The following NSMCE2 variants were observed in gnomAD, a reference collection of about 807,000 sequenced individuals.
NSMCE2 encodes E3 SUMO-protein ligase NSE2.
Under a neutral mutation model 23.8 loss-of-function variants are expected in NSMCE2, and 24 were observed. The ratio of observed to expected loss-of-function variants is 1.01; its 90% CI spans 0.73 to 1.42. The LOEUF is 1.42. Among genes scored for constraint, NSMCE2 ranks in the 40% most tolerant of loss-of-function variants. The pLI is 0.00. For missense variants in NSMCE2, 284 were observed against 296.5 expected (o/e 0.96, Z 0.31); for synonymous variants, 92 against 94.1 (o/e 0.98, Z 0.13).
intron 3 of NSMCE2, among the ~76,000 whole-genome samples, chr8:125,123,627 C>T (rs1819372023): frequency 1.3e-5 from 2 of 152,222 alleles, no homozygotes; most frequent in African/African-American, 4.8e-5. Context: ...CACAAGTGTG[C>T]ATCTTGTGTA....
intron 3 of NSMCE2, among the ~76,000 whole-genome samples, chr8:125,133,510 C>T (rs1449843345): frequency 1.3e-5 from 2 of 152,102 alleles, no homozygotes; most frequent in Non-Finnish European, 2.9e-5. Context: ...GAGGCCAAGG[C>T]AGGTGATTCA....
chr8:125,317,701 G>GA (rs1829266854), intron 5 of NSMCE2, among the ~76,000 whole-genome samples: 1 of 152,140 alleles, frequency 6.6e-6, no homozygotes, highest in Non-Finnish European at 1.5e-5. Context: ...GGGGAGAAAA[G>GA]AAACTAGGGT....
At position 125,138,258 on chromosome 8, in the gene NSMCE2, C is replaced by CTA. The variant is rs1472345276; in HGVS notation, c.158-12912_158-12911insAT. Among the ~76,000 whole-genome samples, 4 of 152,168 alleles carry CTA rather than the reference C, an allele frequency of 2.6e-5. No homozygotes were observed. In the East Asian group the frequency reaches 7.7e-4, roughly 29 times the overall value. On this transcript the variant is annotated intron_variant, in intron 3 of 7. Coordinates refer to ENST00000287437, the MANE Select transcript of NSMCE2 (RefSeq NM_173685.4). Reference sequence around the variant, plus strand: ...TCTCTTTTAGAGACCTGGTCAATCTCTGTCACTCAGGATGGAGTGCAGTGG... The same window carrying CTA: ...TCTCTTTTAGAGACCTGGTCAATCTCTATGTCACTCAGGATGGAGTGCAGTGG...
chr8:125,312,482 G>T (rs2131236464), intron 5 of NSMCE2, among the ~76,000 whole-genome samples: 1 of 152,152 alleles, frequency 6.6e-6, no homozygotes, highest in South Asian at 2.1e-4. Flanking sequence ...AAATTAGCCG[G>T]GCGTGGGTGG....
chr8:125,353,293 AAC>A (rs978045888), intron 5 of NSMCE2, among the ~76,000 whole-genome samples: 3 of 152,192 alleles, frequency 2.0e-5, no homozygotes, highest in Admixed American at 6.5e-5. Flanking sequence ...TTTACTCTTA[AAC>A]ACACGATCAG....
intron 5 of NSMCE2, among the ~76,000 whole-genome samples, chr8:125,305,783 G>A (rs1828731184): frequency 6.6e-6 from 1 of 152,166 alleles, no homozygotes; most frequent in Non-Finnish European, 1.5e-5. Flanking sequence ...ATAGCCTTGT[G>A]CTTTGGTGTA....
At chr8:125,347,059 G>A (rs1812790887) in intron 5 of NSMCE2, among the ~76,000 whole-genome samples, 1 of 152,326 alleles carries the variant, frequency 6.6e-6, no homozygotes, top group Admixed American at 6.5e-5. Flanking sequence ...TGATAGTGCT[G>A]TGTCAGCTAT....
intron 4 of NSMCE2, among the ~76,000 whole-genome samples, chr8:125,157,759 A>G (rs1284955616): frequency 6.6e-6 from 1 of 152,200 alleles, no homozygotes; most frequent in African/African-American, 2.4e-5. Flanking sequence ...AATCCATCAT[A>G]GTATTTTGGA....
At chr8:125,150,629 G>A (rs1820956994) in intron 3 of NSMCE2, among the ~76,000 whole-genome samples, 1 of 151,774 alleles carries the variant, frequency 6.6e-6, no homozygotes, top group Non-Finnish European at 1.5e-5. Context: ...TGATCTGCCT[G>A]CCTCGGCCTC....
At chr8:125,159,733 G>A (rs1331565482) in intron 4 of NSMCE2, among the ~76,000 whole-genome samples, 1 of 152,148 alleles carries the variant, frequency 6.6e-6, no homozygotes. Flanking sequence ...TGCTCAGTTG[G>A]TGGATCACTT....
At chr8:125,131,999 A>G (rs1359920150) in intron 3 of NSMCE2, among the ~76,000 whole-genome samples, 2 of 152,232 alleles carry the variant, frequency 1.3e-5, no homozygotes, top group African/African-American at 4.8e-5. Flanking sequence ...GATTCATGTC[A>G]TGCATCCTTA....
intron 5 of NSMCE2, among the ~76,000 whole-genome samples, chr8:125,286,069 G>A (rs549226973): frequency 1.1e-3 from 170 of 151,432 alleles, no homozygotes; most frequent in African/African-American, 3.9e-3. Flanking sequence ...CCAGTGCCTG[G>A]GAGAGTTAAT....
At chr8:125,344,836 G>C (rs1158967037) in intron 5 of NSMCE2, among the ~76,000 whole-genome samples, 1 of 151,254 alleles carries the variant, frequency 6.6e-6, no homozygotes, top group Non-Finnish European at 1.5e-5. Flanking sequence ...TCCTCATGTT[G>C]AAGATTATTT....
rs117472523 is a variant in NSMCE2, at chr8:125,341,602, A to G, written c.419-15617A>G. On this transcript the variant is annotated intron_variant, in intron 5 of 7. Transcript: ENST00000287437. The stretch of plus-strand genomic sequence containing the variant: ...GTTTTTTTTTTCCTCTAATGAGGGC[A>G]AAACACTTGATCCCATCTTCACAGT... 1.3e-3 allele frequency among the ~76,000 whole-genome samples: 197 copies of G among 152,224 alleles called. 3 individuals are homozygous for G. In the East Asian group the frequency reaches 0.035, roughly 27 times the overall value.
At chr8:125,362,279 T>G (rs1813594708) in intron 7 of NSMCE2, among the ~76,000 whole-genome samples, 2 of 152,248 alleles carry the variant, frequency 1.3e-5, no homozygotes, top group South Asian at 4.1e-4. Flanking sequence ...CATGATGGCC[T>G]TCTCTTATCC....
chr8:125,260,959 A>G (rs1367036229), intron 5 of NSMCE2, among the ~76,000 whole-genome samples: 2 of 152,104 alleles, frequency 1.3e-5, no homozygotes, highest in Non-Finnish European at 2.9e-5. Context: ...TATGGCACAG[A>G]TATTTTAAGG....
At chr8:125,285,756 G>A (rs1014141531) in intron 5 of NSMCE2, among the ~76,000 whole-genome samples, 5 of 149,288 alleles carry the variant, frequency 3.3e-5, no homozygotes, top group African/African-American at 7.4e-5. Flanking sequence ...TCATACACAC[G>A]CACACACACA....
At chr8:125,295,813 T>G (rs188528591) in intron 5 of NSMCE2, among the ~76,000 whole-genome samples, 215 of 152,342 alleles carry the variant, frequency 1.4e-3, no homozygotes, top group African/African-American at 5.0e-3. Context: ...TTCTTTGTTT[T>G]TTAAGCTCTA....
chr8:125,144,725 T>G (rs1225090885), intron 3 of NSMCE2, among the ~76,000 whole-genome samples: 4 of 152,232 alleles, frequency 2.6e-5, no homozygotes, highest in Non-Finnish European at 5.9e-5. Context: ...AGCCTTGCTT[T>G]CATTCTTTCA....
Sources: gnomAD v4.1 joint callset for allele counts (sites outside exome capture counted in the v4.1 genomes callset) on GRCh38, gnomAD v4.1.1 for gene constraint, MANE v1.5 for transcripts, NCBI Gene and HGNC (gene_info 2026-07-23, HGNC 2026-07-21) for gene names.